The following CNST variants were observed in gnomAD, a reference collection of about 807,000 sequenced individuals.
CNST encodes consortin.
Under a neutral mutation model 72.4 loss-of-function variants are expected in CNST, and 39 were observed. That is an observed-to-expected ratio of 0.54 (90% CI 0.42 to 0.70). CNST has a LOEUF of 0.70. CNST is among the 30% of genes least tolerant of loss of function. The probability of loss-of-function intolerance (pLI) is 0.00; values close to 1 mark genes in which losing one functional copy is unlikely to be tolerated. For missense variants in CNST, 871 were observed against 868.5 expected (o/e 1.00, Z -0.04); for synonymous variants, 332 against 320.1 (o/e 1.04, Z -0.40).
chr1:246,606,029 G>A (rs1219034175), intron 2 of CNST: 2 of 152,140 alleles, frequency 1.3e-5, no homozygotes, highest in South Asian at 2.1e-4. Context: ...AGGGAAAAGG[G>A]GCGACTTTCT....
chr1:246,637,257 C>A (rs1665338841), intron 6 of CNST, among the ~76,000 whole-genome samples: 1 of 152,158 alleles, frequency 6.6e-6, no homozygotes, highest in Non-Finnish European at 1.5e-5. Flanking sequence ...AGTGTGCATG[C>A]TGAGTATCAC....
intron 8 of CNST, among the ~76,000 whole-genome samples, chr1:246,644,631 G>C (rs989123791): frequency 1.3e-5 from 2 of 152,172 alleles, no homozygotes; most frequent in African/African-American, 2.4e-5. Context: ...TTACTCCCAA[G>C]CTGCTCCCCT....
Position 246,572,359 on chromosome 1 carries a change from A to C in CNST, c.-52+5696A>C, listed in dbSNP as rs185559686. Among the ~76,000 whole-genome samples, 26 of 152,344 alleles carry C rather than the reference A, an allele frequency of 1.7e-4. No individual in the cohort carries two copies. The East Asian group carries it at 4.0e-3, about 24-fold the overall frequency. On this transcript the variant is annotated intron_variant, in intron 1 of 10. Coordinates refer to ENST00000366513, the MANE Select transcript of CNST (RefSeq NM_152609.3). The stretch of plus-strand genomic sequence containing the variant: ...GCTGTCCTTGAGTATTTGATAGTAT[A>C]CTGCTTATATTTTGATTTTTTGTAT...
intron 2 of CNST, among the ~76,000 whole-genome samples, chr1:246,598,002 A>G (rs1375991644): frequency 6.6e-6 from 1 of 151,710 alleles, no homozygotes; most frequent in East Asian, 1.9e-4. Context: ...TTTATTTAAG[A>G]CAGGATTTTG....
intron 8 of CNST, among the ~76,000 whole-genome samples, chr1:246,645,029 G>T (rs780749368): frequency 6.6e-6 from 1 of 152,282 alleles, no homozygotes; most frequent in East Asian, 1.9e-4. Context: ...GAGAAGGAAG[G>T]CTGTATTCTC....
intron 1 of CNST, among the ~76,000 whole-genome samples, chr1:246,580,843 C>T (rs577194155): frequency 5.0e-4 from 76 of 151,928 alleles, no homozygotes; most frequent in Admixed American, 1.9e-3. Flanking sequence ...AGGGTTCAAG[C>T]GATTGCCCCG....
chr1:246,647,769 T>G lies in CNST; in HGVS notation c.1568T>G (p.Leu523Arg), dbSNP rs999467411. ...NNQISDLGIL[L>R]PEVCMAPEEK... ...CAAATATCTGACTTAGGCATACTGC[T>G]TCCAGAGGTGTGTATGGCCCCAGAG... The change falls in exon 9 of 11, where the codon CTT (leucine) becomes CGT (arginine). Residue 523 changes from leucine (L) to arginine (R), a missense_variant. Physicochemically the swap from Leu to Arg is moderately radical, Grantham distance 102. Transcript: ENST00000366513. 6.2e-7 allele frequency: 1 copy of G among 1,614,194 alleles called. No homozygotes were observed. Among genetic ancestry groups the G allele is most frequent in the Non-Finnish European group, 8.5e-7 (1 of 1,180,036 alleles).
intron 9 of CNST, among the ~76,000 whole-genome samples, chr1:246,652,959 G>C (rs887755784): frequency 2.7e-5 from 4 of 150,770 alleles, no homozygotes; most frequent in South Asian, 4.2e-4. Flanking sequence ...AGCCGAGATT[G>C]CACCACTGCA....
chr1:246,571,429 C>T (rs1020397186), intron 1 of CNST, among the ~76,000 whole-genome samples: 8 of 152,182 alleles, frequency 5.3e-5, no homozygotes, highest in African/African-American at 1.4e-4. Context: ...GGATTAAAGG[C>T]GTGAGCCACT....
chr1:246,601,599 G>C (rs1456002352), intron 2 of CNST, among the ~76,000 whole-genome samples: 1 of 151,786 alleles, frequency 6.6e-6, no homozygotes, highest in African/African-American at 2.4e-5. Context: ...GTTGGAGACC[G>C]GCCTGACCAA....
intron 1 of CNST, among the ~76,000 whole-genome samples, chr1:246,580,265 T>C (rs770830428): frequency 6.6e-6 from 1 of 152,186 alleles, no homozygotes; most frequent in Non-Finnish European, 1.5e-5. Context: ...GTAGATTTCA[T>C]TCTGGACATA....
chr1:246,646,680 A>G (rs376623469), intron 8 of CNST, among the ~76,000 whole-genome samples: 3 of 152,260 alleles, frequency 2.0e-5, no homozygotes, highest in African/African-American at 7.2e-5. Flanking sequence ...GGGTTTCTCC[A>G]TGTTGGTCAG....
At position 246,634,529 on chromosome 1, in the gene CNST, A is replaced by G. The variant is rs768090992; in HGVS notation, c.760A>G (p.Lys254Glu). Reference sequence around the variant, plus strand: ...AGTTACGGCTCTAAGGAATTCAGAAAAGGGATTTAATGGTGAAGATTTTGA... The same window carrying G: ...AGTTACGGCTCTAAGGAATTCAGAAGAGGGATTTAATGGTGAAGATTTTGA... The part of the protein sequence containing the change: ...HTVTALRNSE[K>E]GFNGEDFERL... The change falls in exon 6 of 11, where the codon AAG becomes GAG. Residue 254 changes from lysine (K) to glutamate (E), a missense_variant. Physicochemically the swap from Lys to Glu is moderately conservative, Grantham distance 56 (BLOSUM62 1). Transcript: ENST00000366513. 12 of 1,609,686 alleles carry G rather than the reference A, an allele frequency of 7.5e-6. No homozygotes were observed. The Admixed American group carries it at 1.2e-4, about 16-fold the overall frequency.
chr1:246,660,049 T>G, intron 9 of CNST, 150 bp from the exon 10 acceptor site: 1 of 640,070 alleles, frequency 1.6e-6, no homozygotes, highest in East Asian at 2.8e-5. Context: ...AAAGTTTTAT[T>G]CTGTTAGATT....
chr1:246,614,966 C>T (rs868228055), intron 2 of CNST, among the ~76,000 whole-genome samples: 4 of 152,102 alleles, frequency 2.6e-5, no homozygotes, highest in Non-Finnish European at 4.4e-5. Context: ...TGTCAGGGTA[C>T]ATTCCTAGTG....
intron 3 of CNST, among the ~76,000 whole-genome samples, chr1:246,628,384 T>C (rs1428048580): frequency 6.6e-6 from 1 of 152,006 alleles, no homozygotes; most frequent in African/African-American, 2.4e-5. Context: ...GGTATTCGAG[T>C]GTGAGAACTA....
intron 1 of CNST, among the ~76,000 whole-genome samples, chr1:246,576,949 C>A (rs958363229): frequency 6.6e-6 from 1 of 151,988 alleles, no homozygotes; most frequent in African/African-American, 2.4e-5. Context: ...CAGGCAAGCA[C>A]CAGAGTGGAA....
intron 2 of CNST, among the ~76,000 whole-genome samples, chr1:246,599,679 G>A (rs755887462): frequency 3.9e-5 from 6 of 152,186 alleles, no homozygotes; most frequent in South Asian, 2.1e-4. Context: ...AGGCTAAAGC[G>A]AGCAGCATAT....
At chr1:246,660,145 G>A in intron 9 of CNST, 54 bp from the exon 10 acceptor site, 1 of 1,498,948 alleles carries the variant, frequency 6.7e-7, no homozygotes, top group Non-Finnish European at 9.0e-7. Context: ...ATAGCTACAT[G>A]TAGAGATGTC....
Sources: allele counts gnomAD v4.1 joint callset (sites outside exome capture counted in the v4.1 genomes callset), GRCh38; gene constraint gnomAD v4.1.1; transcripts MANE v1.5; gene names NCBI Gene and HGNC (gene_info 2026-07-23, HGNC 2026-07-21).